ANKS1B: variants seen among roughly 807,000 people sequenced by gnomAD.
The protein encoded by ANKS1B is ankyrin repeat and sterile alpha motif domain-containing protein 1B.
Under a neutral mutation model 148.3 loss-of-function variants are expected in ANKS1B, and 36 were observed. The observed-to-expected ratio is 0.24, with a 90% CI of 0.19 to 0.32. The LOEUF is 0.32. Ranked by LOEUF, ANKS1B falls within the 10% of genes least tolerant of loss-of-function variation. The pLI is 1.00. For missense variants in ANKS1B, 1,157 were observed against 1,542.6 expected (o/e 0.75, Z 4.19); for synonymous variants, 542 against 560.8 (o/e 0.97, Z 0.47).
chr12:99,730,685 T>C (rs998469936), intron 8 of ANKS1B, among the ~76,000 whole-genome samples: 189 of 152,110 alleles, frequency 1.2e-3, no homozygotes, highest in African/African-American at 4.4e-3. Flanking sequence ...GAGCTGAGAA[T>C]AGAGAGAGCC....
At chr12:99,277,794 T>C (rs922509769) in intron 12 of ANKS1B, among the ~76,000 whole-genome samples, 1 of 152,210 alleles carries the variant, frequency 6.6e-6, no homozygotes, top group Non-Finnish European at 1.5e-5. Flanking sequence ...CACTGTAAGG[T>C]TGAATACACA....
At chr12:99,155,927 G>A (rs1052060857) in intron 14 of ANKS1B, among the ~76,000 whole-genome samples, 15 of 152,140 alleles carry the variant, frequency 9.9e-5, no homozygotes, top group African/African-American at 3.4e-4. Context: ...CTCTGCCTTC[G>A]GAGAAGCACA....
intron 4 of ANKS1B, among the ~76,000 whole-genome samples, chr12:99,804,478 C>G (rs2067343737): frequency 6.6e-6 from 1 of 151,998 alleles, no homozygotes; most frequent in Admixed American, 6.6e-5. Flanking sequence ...ATAATGCAGG[C>G]AAAGCTCTAA....
intron 1 of ANKS1B, among the ~76,000 whole-genome samples, chr12:99,950,525 A>G (rs1483431491): frequency 6.6e-6 from 1 of 152,108 alleles, no homozygotes; most frequent in Non-Finnish European, 1.5e-5. Context: ...TTACTGAGCC[A>G]GATAATGTAA....
In ANKS1B at chr12:99,779,863, C is replaced by T. The variant is rs774898307; in HGVS notation, c.847+8G>A. ...AGGCAAACTCATCCATCATTCAATA[C>T]TGTTTACCTTGTAAGAGTGTTGCAA... is the stretch of plus-strand genomic sequence containing the variant. On this transcript the variant is annotated splice_region_variant and intron_variant, in intron 6 of 26. Coordinates refer to ENST00000683438, the MANE Select transcript of ANKS1B (RefSeq NM_001352186.2). 2 of 1,597,896 alleles carry T rather than the reference C, an allele frequency of 1.3e-6. No homozygotes were observed. Among genetic ancestry groups the T allele is most frequent in the Admixed American group, 1.7e-5 (1 of 59,920 alleles).
chr12:99,487,491 C>A (rs942348392), intron 10 of ANKS1B, among the ~76,000 whole-genome samples: 1 of 151,970 alleles, frequency 6.6e-6, no homozygotes, highest in Non-Finnish European at 1.5e-5. Context: ...AGAGTGGGAA[C>A]AATTGGGTCA....
In ANKS1B at chr12:98,807,719, G is replaced by A. The variant is rs1483879821; in HGVS notation, c.3141+125C>T. The A allele has an allele frequency of 9.8e-6, 6 of 614,100 alleles. No individual in the cohort carries two copies. The East Asian group carries it at 1.5e-4, about 16-fold the overall frequency. 38.0% of individuals were successfully genotyped at this position (614,100 alleles called of 1,614,324 possible). ...TGAAGTATAATAGACAAAGAGTCTC[G>A]GAGTCACCAGACATTACAAATTTTC... On this transcript the variant is annotated intron_variant, in intron 20 of 26. Coordinates refer to ENST00000683438, the MANE Select transcript of ANKS1B (RefSeq NM_001352186.2).
intron 14 of ANKS1B, among the ~76,000 whole-genome samples, chr12:99,235,304 C>T (rs916808619): frequency 2.0e-5 from 3 of 151,976 alleles, no homozygotes; most frequent in African/African-American, 7.2e-5. Context: ...CATTAATATC[C>T]AATGTTACCT....
intron 17 of ANKS1B, among the ~76,000 whole-genome samples, chr12:98,863,021 C>G (rs138214455): frequency 1.3e-5 from 2 of 152,314 alleles, no homozygotes; most frequent in East Asian, 1.9e-4. Context: ...ACAACAGGCA[C>G]TCTGTGTAAA....
In ANKS1B at chr12:99,191,756, TG is replaced by T. The variant is rs1348284269; in HGVS notation, c.2420-37362del. Among the ~76,000 whole-genome samples the T allele has an allele frequency of 4.6e-5, 7 of 152,068 alleles. No individual in the cohort carries two copies. In the South Asian group the frequency reaches 1.2e-3, roughly 27 times the overall value. ...ATACCTAATGTAGATGACGGGTTGA[TG>T]GGTGCAGCAAACCACCGTGGCACGT... is the stretch of plus-strand genomic sequence containing the variant. On this transcript the variant is annotated intron_variant, in intron 14 of 26. Transcript: ENST00000683438.
chr12:99,060,031 C>T (rs1488651854), intron 16 of ANKS1B, among the ~76,000 whole-genome samples: 1 of 152,050 alleles, frequency 6.6e-6, no homozygotes, highest in Non-Finnish European at 1.5e-5. Context: ...ACTCTATAAT[C>T]TGAGAGGCAG....
intron 8 of ANKS1B, among the ~76,000 whole-genome samples, chr12:99,760,799 A>G (rs1240934591): frequency 6.6e-6 from 1 of 151,632 alleles, no homozygotes; most frequent in Non-Finnish European, 1.5e-5. Flanking sequence ...GCTGGCAGCT[A>G]CATTAACAAA....
At position 99,548,591 on chromosome 12, in the gene ANKS1B, T is replaced by C. The variant is rs557085712; in HGVS notation, c.1273-43950A>G. Among the ~76,000 whole-genome samples the C allele has an allele frequency of 8.5e-5, 13 of 152,182 alleles. No individual in the cohort carries two copies. The South Asian group carries it at 2.5e-3, about 29-fold the overall frequency. On this transcript the variant is annotated intron_variant, in intron 9 of 26. Coordinates refer to ENST00000683438, the MANE Select transcript of ANKS1B (RefSeq NM_001352186.2). ...AACTTCTTTAAAAATGTAAATCTTC[T>C]TGGAGAATCAACATTTAGTAATGTA...
intron 1 of ANKS1B, among the ~76,000 whole-genome samples, chr12:99,884,113 C>A (rs1052159720): frequency 1.3e-5 from 2 of 151,798 alleles, no homozygotes; most frequent in Non-Finnish European, 2.9e-5. Flanking sequence ...ATGCTGAAAA[C>A]CACAATTACT....
At chr12:99,808,848 G>A (rs79230269) in intron 3 of ANKS1B, among the ~76,000 whole-genome samples, 1 of 152,090 alleles carries the variant, frequency 6.6e-6, no homozygotes, top group Non-Finnish European at 1.5e-5. Context: ...CCTGAGCCTA[G>A]GAAATTACAA....
At chr12:98,934,936 A>G (rs2099817079) in intron 17 of ANKS1B, among the ~76,000 whole-genome samples, 1 of 151,846 alleles carries the variant, frequency 6.6e-6, no homozygotes, top group African/African-American at 2.4e-5. Context: ...AATGTGGACA[A>G]TTTCACTTCT....
intron 8 of ANKS1B, among the ~76,000 whole-genome samples, chr12:99,756,457 T>C (rs1415278296): frequency 1.3e-5 from 2 of 152,092 alleles, no homozygotes; most frequent in East Asian, 3.8e-4. Context: ...ATAAATTCCA[T>C]GCTAATGGAT....
chr12:99,384,173 T>A (rs1285501452), intron 12 of ANKS1B, among the ~76,000 whole-genome samples: 3 of 152,188 alleles, frequency 2.0e-5, no homozygotes, highest in Non-Finnish European at 4.4e-5. Context: ...CAAGAAATAT[T>A]TATTGACTGA....
intron 17 of ANKS1B, among the ~76,000 whole-genome samples, chr12:99,019,947 G>A (rs2099944781): frequency 6.6e-6 from 1 of 152,050 alleles, no homozygotes; most frequent in Non-Finnish European, 1.5e-5. Flanking sequence ...ATACTGTTGT[G>A]AAAAAGCAGA....
Sources: gnomAD v4.1 joint callset for allele counts (sites outside exome capture counted in the v4.1 genomes callset) on GRCh38, gnomAD v4.1.1 for gene constraint, MANE v1.5 for transcripts, NCBI Gene and HGNC (gene_info 2026-07-23, HGNC 2026-07-21) for gene names.